The following TAF3 variants were observed in gnomAD, a reference collection of about 807,000 sequenced individuals.
TAF3 encodes the protein transcription initiation factor TFIID subunit 3.
TAF3 carries 7 observed loss-of-function variants against 80.6 expected under a neutral mutation model. The observed-to-expected ratio is 0.09, with a 90% CI of 0.05 to 0.16. TAF3 has a LOEUF of 0.16. Among genes scored for constraint, TAF3 ranks in the 10% least tolerant of loss-of-function variants. The pLI is 1.00. For missense variants in TAF3, 921 were observed against 1,140.2 expected (o/e 0.81, Z 2.77); for synonymous variants, 444 against 446.1 (o/e 1.00, Z 0.06).
intron 2 of TAF3, among the ~76,000 whole-genome samples, chr10:7,939,634 C>G (rs113817768): frequency 3.5e-4 from 52 of 149,498 alleles, no homozygotes; most frequent in African/African-American, 1.2e-3. Context: ...CTACCTACAC[C>G]CCTTCCAAGA....
chr10:7,843,489 G>A (rs1196742773), intron 2 of TAF3, among the ~76,000 whole-genome samples: 1 of 152,060 alleles, frequency 6.6e-6, no homozygotes, highest in Admixed American at 6.5e-5. Flanking sequence ...ACAGGTTTAA[G>A]TAACTTTTAA....
At chr10:7,893,056 T>C (rs1312275120) in intron 2 of TAF3, among the ~76,000 whole-genome samples, 1 of 152,032 alleles carries the variant, frequency 6.6e-6, no homozygotes, top group Non-Finnish European at 1.5e-5. Context: ...CTGACCTCCG[T>C]TGATCCACCC....
chr10:7,977,490 G>T (rs973646128), intron 4 of TAF3, among the ~76,000 whole-genome samples, 167 bp downstream of exon 4: 1 of 152,082 alleles, frequency 6.6e-6, no homozygotes, highest in Non-Finnish European at 1.5e-5. Context: ...TTCTTTCACA[G>T]AGTAAATGCT....
At chr10:7,845,825 A>C (rs1414925921) in intron 2 of TAF3, among the ~76,000 whole-genome samples, 1 of 152,070 alleles carries the variant, frequency 6.6e-6, no homozygotes, top group African/African-American at 2.4e-5. Flanking sequence ...CTTTCTTGAC[A>C]TTTCAGATTT....
chr10:7,835,894 A>G (rs1206449666), intron 2 of TAF3, among the ~76,000 whole-genome samples: 1 of 152,182 alleles, frequency 6.6e-6, no homozygotes, highest in Non-Finnish European at 1.5e-5. Context: ...TATGTTGGGA[A>G]GATGCACAAA....
At chr10:7,843,094 T>C (rs1329196500) in intron 2 of TAF3, among the ~76,000 whole-genome samples, 1 of 152,162 alleles carries the variant, frequency 6.6e-6, no homozygotes, top group Non-Finnish European at 1.5e-5. Flanking sequence ...CCCATGGAAC[T>C]GCGCAGAAGC....
chr10:7,889,430 C>A (rs1837439045), intron 2 of TAF3, among the ~76,000 whole-genome samples: 6 of 152,228 alleles, frequency 3.9e-5, no homozygotes, highest in Admixed American at 3.9e-4. Context: ...CTATTCACAT[C>A]TGTCTGTTAC....
At chr10:7,998,241 CTATATATATATATATATATATA>C (rs59519247) in intron 4 of TAF3, among the ~76,000 whole-genome samples, 112 of 134,432 alleles carry the variant, frequency 8.3e-4, no homozygotes, top group Non-Finnish European at 1.5e-3. Flanking sequence ...TGAGTGAGAA[CTATATATATATATATATATATA>C]TGTATATATA....
chr10:8,000,170 C>T (rs1043090067), intron 4 of TAF3, among the ~76,000 whole-genome samples: 6 of 152,056 alleles, frequency 3.9e-5, no homozygotes, highest in East Asian at 1.9e-4. Flanking sequence ...CACTTTGTTG[C>T]CCAGGCTAGA....
intron 2 of TAF3, among the ~76,000 whole-genome samples, chr10:7,830,120 T>A (rs1836783578): frequency 6.6e-6 from 1 of 152,138 alleles, no homozygotes; most frequent in Non-Finnish European, 1.5e-5. Flanking sequence ...CTCCTTGGAC[T>A]CAAGAATCTA....
Position 7,906,552 on chromosome 10 carries a change from G to A in TAF3, c.410-57368G>A, listed in dbSNP as rs180862869. ...GTGGCTGTTTTATGAAACCTTAGAG[G>A]TTTCTGCTAAGACACAATTAATTTG... On this transcript the variant is annotated intron_variant, in intron 2 of 6. Transcript: ENST00000344293. Among the ~76,000 whole-genome samples the A allele has an allele frequency of 3.1e-3, 478 of 152,096 alleles. 1 individual carries two copies. The highest frequency in any genetic ancestry group is 5.2e-3 in the Non-Finnish European group (355 of 68,004).
At position 8,009,231 on chromosome 10, in the gene TAF3, G is replaced by A. The variant is rs757780971; in HGVS notation, c.2469G>A (p.Ala823=). The A allele has an allele frequency of 6.8e-7, 1 of 1,478,130 alleles. No homozygotes were observed. Among genetic ancestry groups the A allele is most frequent in the Non-Finnish European group, 9.0e-7 (1 of 1,115,576 alleles). The allele number at this position is 1,478,130 out of a possible 1,614,324, so 91.6% of individuals were successfully genotyped here. ...TGCCGCTGCTCGCCCAGGCCGCCGCGGGCCCTGCCCTGCTGCCCTCCCCGG... is the reference window on the plus strand; with the variant it reads ...TGCCGCTGCTCGCCCAGGCCGCCGCAGGCCCTGCCCTGCTGCCCTCCCCGG... ...VPLPLLAQAA[A]GPALLPSPGP... is the part of the protein sequence containing the mutation. The change falls in exon 5 of 7, where the codon GCG becomes GCA. Residue 823 remains alanine, a synonymous_variant. Coordinates refer to ENST00000344293, the MANE Select transcript of TAF3 (RefSeq NM_031923.4). This position sits in a 1 kb window ranked among gnomAD's most constrained non-coding sequence, Gnocchi z 4.1.
intron 2 of TAF3, among the ~76,000 whole-genome samples, chr10:7,874,025 A>G (rs1010103526): frequency 2.6e-5 from 4 of 152,212 alleles, no homozygotes; most frequent in Admixed American, 6.5e-5. Context: ...ATCGTTACAG[A>G]TAAGTCAAGT....
chr10:7,946,205 C>T (rs1838022690), intron 2 of TAF3, among the ~76,000 whole-genome samples: 1 of 152,196 alleles, frequency 6.6e-6, no homozygotes, highest in South Asian at 2.1e-4. Flanking sequence ...ACACTCTTTC[C>T]CATGATCCAT....
chr10:8,010,925 G>GTAAATCCCACCA (rs1438039800), intron 5 of TAF3, among the ~76,000 whole-genome samples: 3 of 151,988 alleles, frequency 2.0e-5, no homozygotes, highest in Admixed American at 2.0e-4. Flanking sequence ...AAAAAAAATT[G>GTAAATCCCACCA]TAAATCCCAC....
At chr10:7,920,445 T>A (rs1375645147) in intron 2 of TAF3, among the ~76,000 whole-genome samples, 1 of 152,034 alleles carries the variant, frequency 6.6e-6, no homozygotes, top group Non-Finnish European at 1.5e-5. Context: ...TTGAGCTTTT[T>A]ATGCTTTGCA....
intron 2 of TAF3, among the ~76,000 whole-genome samples, chr10:7,876,718 A>C (rs1248425451): frequency 6.6e-6 from 1 of 152,190 alleles, no homozygotes; most frequent in Non-Finnish European, 1.5e-5. Flanking sequence ...TGACTTAATT[A>C]TCTTTATCTT....
At chr10:7,850,138 T>C (rs1837013380) in intron 2 of TAF3, among the ~76,000 whole-genome samples, 1 of 152,236 alleles carries the variant, frequency 6.6e-6, no homozygotes, top group Admixed American at 6.5e-5. Flanking sequence ...GCATAGCCAA[T>C]AGCAACAAAA....
intron 2 of TAF3, among the ~76,000 whole-genome samples, chr10:7,870,028 T>TA (rs1188760201): frequency 9.9e-5 from 15 of 152,170 alleles, no homozygotes; most frequent in African/African-American, 3.4e-4. Flanking sequence ...TGAGCATCTT[T>TA]AAAAAAATTA....
Sources: gnomAD v4.1 joint callset for allele counts (sites outside exome capture counted in the v4.1 genomes callset) on GRCh38, gnomAD v4.1.1 for gene constraint, Gnocchi (gnomAD v3.1) non-coding constraint, MANE v1.5 for transcripts, NCBI Gene and HGNC (gene_info 2026-07-23, HGNC 2026-07-21) for gene names.